The following NR3C2 variants were observed in gnomAD, a reference collection of about 807,000 sequenced individuals.
NR3C2 encodes the protein nuclear receptor subfamily 3 group C member 2.
A neutral mutation model predicts 86.4 loss-of-function variants in NR3C2; 15 were observed. That is an observed-to-expected ratio of 0.17 (90% confidence interval 0.12 to 0.27). The LOEUF (loss-of-function observed/expected upper bound fraction) is 0.27, where lower values mean the gene tolerates loss of function less well. NR3C2 is among the 10% of genes least tolerant of loss of function. The probability of loss-of-function intolerance (pLI) is 1.00; values close to 1 mark genes in which losing one functional copy is unlikely to be tolerated. For synonymous variants in NR3C2, 458 were observed against 450.5 expected, an observed-to-expected ratio of 1.02 and a Z score of -0.21; for missense variants, 960 against 1,195.6, an observed-to-expected ratio of 0.80 and a Z score of 2.91.
chr4:148,259,053 A>G (rs1739963415), intron 3 of NR3C2, among the ~76,000 whole-genome samples: 2 of 152,208 alleles, frequency 1.3e-5, no homozygotes, highest in African/African-American at 4.8e-5. Context: ...TTCCACAACT[A>G]AAGATATGAC....
At position 148,087,861 on chromosome 4, in the gene NR3C2, G is replaced by T. The variant is rs565106851; in HGVS notation, c.2800-6362C>A. ...AAGCAATGGCAACAACAGCCAAAAT[G>T]GACAAATGGCATCTAATAAACTAAA... On this transcript the variant is annotated intron_variant, in intron 8 of 8. Coordinates refer to ENST00000358102, the MANE Select transcript of NR3C2 (RefSeq NM_000901.5). Among the ~76,000 whole-genome samples the T allele has an allele frequency of 5.4e-4, 82 of 152,228 alleles. 1 individual carries two copies. Among genetic ancestry groups the T allele is most frequent in the Non-Finnish European group, 1.1e-3 (72 of 68,020 alleles).
intron 2 of NR3C2, among the ~76,000 whole-genome samples, chr4:148,430,334 T>C (rs1749741571): frequency 6.6e-6 from 1 of 152,162 alleles, no homozygotes; most frequent in Non-Finnish European, 1.5e-5. Context: ...CATACTGACA[T>C]ATAAACCTAC....
At chr4:148,104,796 AC>A (rs1731720012) in intron 8 of NR3C2, among the ~76,000 whole-genome samples, 1 of 152,190 alleles carries the variant, frequency 6.6e-6, no homozygotes, top group Non-Finnish European at 1.5e-5. Context: ...AGTTGAAGAA[AC>A]CGAAAGCCAA....
intron 8 of NR3C2, among the ~76,000 whole-genome samples, chr4:148,102,896 G>T (rs533068664): frequency 5.9e-5 from 9 of 152,306 alleles, no homozygotes; most frequent in Admixed American, 2.6e-4. Context: ...TGGAAATGGC[G>T]TTGGACAGAT....
At chr4:148,353,846 G>A (rs1398472345) in intron 2 of NR3C2, among the ~76,000 whole-genome samples, 1 of 151,910 alleles carries the variant, frequency 6.6e-6, no homozygotes, top group Non-Finnish European at 1.5e-5. Flanking sequence ...TTCACCTTAG[G>A]CCAACCCACA....
chr4:148,166,102 A>G (rs1734865893), intron 4 of NR3C2, among the ~76,000 whole-genome samples: 1 of 152,216 alleles, frequency 6.6e-6, no homozygotes, highest in African/African-American at 2.4e-5. Context: ...GTAGCCAATG[A>G]TGCATGTACT....
intron 3 of NR3C2, among the ~76,000 whole-genome samples, chr4:148,241,337 G>GAAAAGAAAA (rs1739033591): frequency 9.9e-6 from 1 of 100,668 alleles, no homozygotes; most frequent in Non-Finnish European, 1.9e-5. Flanking sequence ...AAAAAAAGGG[G>GAAAAGAAAA]AAAAATAAAA....
intron 2 of NR3C2, among the ~76,000 whole-genome samples, chr4:148,415,228 C>T (rs1748933876): frequency 6.6e-6 from 1 of 152,068 alleles, no homozygotes; most frequent in African/African-American, 2.4e-5. Context: ...CTGAAAGAAC[C>T]ATTCTTACAG....
In NR3C2 at chr4:148,172,414, TG is replaced by T. The variant is rs371820217; in HGVS notation, c.2015-17514del. 5.6e-4 allele frequency among the ~76,000 whole-genome samples: 85 copies of T among 152,318 alleles called. No individual in the cohort carries two copies. In the Middle Eastern group the frequency reaches 0.01, roughly 18 times the overall value. Reference sequence around the variant, plus strand: ...TGCAGTATATTATCATTTAAGAAGTTGCCAAACTATGCTATGTAAGTCAACA... The same window carrying T: ...TGCAGTATATTATCATTTAAGAAGTTCCAAACTATGCTATGTAAGTCAACA... On this transcript the variant is annotated intron_variant, in intron 4 of 8. Coordinates refer to ENST00000358102, the MANE Select transcript of NR3C2 (RefSeq NM_000901.5).
intron 3 of NR3C2, among the ~76,000 whole-genome samples, chr4:148,206,318 G>A (rs1049517164): frequency 2.6e-5 from 4 of 152,004 alleles, no homozygotes; most frequent in African/African-American, 9.7e-5. Flanking sequence ...TTTCTTTGTG[G>A]CCCTCTATGC....
At chr4:148,419,158 T>C (rs1461468161) in intron 2 of NR3C2, among the ~76,000 whole-genome samples, 1 of 150,536 alleles carries the variant, frequency 6.6e-6, no homozygotes, top group Non-Finnish European at 1.5e-5. Flanking sequence ...TGTTATGAGA[T>C]GTAAACAAAT....
At chr4:148,393,821 T>C (rs993919648) in intron 2 of NR3C2, among the ~76,000 whole-genome samples, 3 of 152,208 alleles carry the variant, frequency 2.0e-5, no homozygotes, top group African/African-American at 7.2e-5. Context: ...ACTGGAATAC[T>C]CTGAAGGTAT....
chr4:148,444,048 G>C (rs1297722246), upstream of NR3C2: 1 of 985,234 alleles, frequency 1.0e-6, no homozygotes, highest in East Asian at 1.1e-4. Context: ...CAACTTTCCC[G>C]CGGGGCCCAC....
At chr4:148,138,849 A>G (rs550797582) in intron 6 of NR3C2, among the ~76,000 whole-genome samples, 1 of 152,286 alleles carries the variant, frequency 6.6e-6, no homozygotes, top group Admixed American at 6.5e-5. Context: ...GCCCTCATGG[A>G]TGGATTCATG....
chr4:148,125,117 CAG>C (rs962901261), intron 6 of NR3C2, among the ~76,000 whole-genome samples: 1 of 152,206 alleles, frequency 6.6e-6, no homozygotes, highest in Non-Finnish European at 1.5e-5. Flanking sequence ...TGGGACACTA[CAG>C]AGTTTTAGCA....
chr4:148,344,748 G>A (rs1744910858), intron 2 of NR3C2, among the ~76,000 whole-genome samples: 1 of 152,102 alleles, frequency 6.6e-6, no homozygotes, highest in South Asian at 2.1e-4. Context: ...AATTACGTAT[G>A]AATTATCTTG....
Position 148,312,513 on chromosome 4 carries a change from T to C in NR3C2, c.1758-52396A>G, listed in dbSNP as rs934269952. ...GCACTGATTGTCTGTCTGACTCTGC[T>C]ATGGATATATCCTAGCTTCTAGTAC... On this transcript the variant is annotated intron_variant, in intron 2 of 8. Coordinates refer to ENST00000358102, the MANE Select transcript of NR3C2 (RefSeq NM_000901.5). Among the ~76,000 whole-genome samples the C allele has an allele frequency of 4.6e-5, 7 of 152,302 alleles. No homozygotes were observed. The South Asian group carries it at 1.5e-3, about 32-fold the overall frequency.
At chr4:148,236,227 T>C (rs1295498509) in intron 3 of NR3C2, among the ~76,000 whole-genome samples, 2 of 152,224 alleles carry the variant, frequency 1.3e-5, no homozygotes, top group Non-Finnish European at 2.9e-5. Context: ...CTGTCATTTC[T>C]ACCCAGGCTT....
chr4:148,197,345 A>C (rs1736487327), intron 3 of NR3C2, among the ~76,000 whole-genome samples: 1 of 152,214 alleles, frequency 6.6e-6, no homozygotes, highest in South Asian at 2.1e-4. Flanking sequence ...GAACTGAATA[A>C]ACTTTAAAGT....
Sources: allele counts gnomAD v4.1 joint callset (sites outside exome capture counted in the v4.1 genomes callset), GRCh38; gene constraint gnomAD v4.1.1; transcripts MANE v1.5; gene names NCBI Gene and HGNC (gene_info 2026-07-23, HGNC 2026-07-21).